Variants in WNT9B observed in about 807,000 individuals in gnomAD.
The protein encoded by WNT9B is Wnt family member 9B.
Under a neutral mutation model 30.2 loss-of-function variants are expected in WNT9B, and 12 were observed. The ratio of observed to expected loss-of-function variants is 0.40; its 90% CI spans 0.26 to 0.64. The LOEUF (loss-of-function observed/expected upper bound fraction) is 0.64, where lower values mean the gene tolerates loss of function less well. Ranked by LOEUF, WNT9B falls within the 30% of genes least tolerant of loss-of-function variation. The pLI is 0.42. For missense variants in WNT9B, 442 were observed against 485.2 expected (o/e 0.91, Z 0.84); for synonymous variants, 218 against 216.9 (o/e 1.01, Z -0.05).
chr17:46,873,398 G>A (rs769270484), intron 2 of WNT9B, among the ~76,000 whole-genome samples: 2 of 152,050 alleles, frequency 1.3e-5, no homozygotes, highest in Non-Finnish European at 2.9e-5. Flanking sequence ...AGCTACCCTC[G>A]GGAAGCATGC....
intron 1 of WNT9B, among the ~76,000 whole-genome samples, chr17:46,864,972 A>T (rs991377705): frequency 1.3e-4 from 20 of 152,288 alleles, no homozygotes; most frequent in African/African-American, 4.8e-4. Flanking sequence ...TGAATGGTGT[A>T]CATTTGGACT....
At chr17:46,844,303 A>AT (rs2084748329) in intron 1 of WNT9B, among the ~76,000 whole-genome samples, 1 of 102,276 alleles carries the variant, frequency 9.8e-6, no homozygotes, top group African/African-American at 4.3e-5. Flanking sequence ...GGAGTTAGCC[A>AT]CCTTTTTTTT....
intron 1 of WNT9B, among the ~76,000 whole-genome samples, chr17:46,867,778 G>T (rs576529700): frequency 1.3e-5 from 2 of 152,202 alleles, no homozygotes; most frequent in Non-Finnish European, 2.9e-5. Flanking sequence ...GTGAGAGTGT[G>T]TGAGATGAAG....
chr17:46,872,210 C>T (rs896098803), intron 1 of WNT9B, among the ~76,000 whole-genome samples: 1 of 152,182 alleles, frequency 6.6e-6, no homozygotes, highest in African/African-American at 2.4e-5. Flanking sequence ...AGCATGGATC[C>T]TGGGAAAGCG....
chr17:46,862,701 G>C lies in WNT9B; in HGVS notation c.78-9816G>C, dbSNP rs146374123. On this transcript the variant is annotated intron_variant, in intron 1 of 3. Coordinates refer to ENST00000290015, the MANE Select transcript of WNT9B (RefSeq NM_003396.3). ...AGGTTCAAGGGATTCTCCTGCCTCA[G>C]CCTCCCGAGTAGCTAGGACAACAGG... Among the ~76,000 whole-genome samples, 1,293 of 152,264 alleles carry C rather than the reference G, an allele frequency of 8.5e-3. 17 individuals are homozygous for C. Among genetic ancestry groups the C allele is most frequent in the African/African-American group, 0.029 (1,210 of 41,550 alleles).
chr17:46,868,593 T>TA (rs1407942530), intron 1 of WNT9B, among the ~76,000 whole-genome samples: 3 of 150,144 alleles, frequency 2.0e-5, no homozygotes, highest in Non-Finnish European at 2.9e-5. Flanking sequence ...GAGACTCGAT[T>TA]AAAAAACAAA....
chr17:46,862,163 C>CAAAA (rs111407961), intron 1 of WNT9B, among the ~76,000 whole-genome samples: 2 of 80,328 alleles, frequency 2.5e-5, no homozygotes, highest in African/African-American at 7.0e-5. Flanking sequence ...AACTCCGTCT[C>CAAAA]AAAAAAAAAA....
At chr17:46,855,755 A>G (rs2084927943) in intron 1 of WNT9B, among the ~76,000 whole-genome samples, 2 of 152,106 alleles carry the variant, frequency 1.3e-5, no homozygotes, top group Non-Finnish European at 2.9e-5. Context: ...CTAGAGTGCA[A>G]TGGTGTGATC....
intron 1 of WNT9B, among the ~76,000 whole-genome samples, chr17:46,854,443 C>T (rs565343322): frequency 1.3e-5 from 2 of 152,272 alleles, no homozygotes; most frequent in East Asian, 1.9e-4. Flanking sequence ...ATCATAGAAT[C>T]GTAGACTTCA....
At chr17:46,845,485 A>ATTTTT (rs34586359) in intron 1 of WNT9B, among the ~76,000 whole-genome samples, 4 of 121,378 alleles carry the variant, frequency 3.3e-5, no homozygotes, top group African/African-American at 6.3e-5. Flanking sequence ...AGTTATCTGA[A>ATTTTT]TTTTTTTTTT....
At position 46,833,446 on chromosome 17, in the gene WNT9B, TG is replaced by T. The variant is rs548261456; in HGVS notation, c.95+7del. Reference sequence around the variant, plus strand: ...CCTCTAAGAAGAATCAGAAGGTGAGTGTTAGGGAGGAAGGGACAGCCAACCC... The same window carrying T: ...CCTCTAAGAAGAATCAGAAGGTGAGTTTAGGGAGGAAGGGACAGCCAACCC... On this transcript the variant is annotated splice_region_variant and intron_variant, in intron 1 of 2. Transcript: ENST00000575372. The T allele has an allele frequency of 1.6e-4, 82 of 512,104 alleles. 1 individual carries two copies. The highest frequency in any genetic ancestry group is 1.3e-3 in the Middle Eastern group (4 of 3,010). The allele number at this position is 512,104 out of a possible 1,614,324, so 31.7% of individuals were successfully genotyped here. A position where few individuals can be genotyped will look rare whatever the true frequency, so the allele number is the denominator to read the frequency against.
intron 2 of WNT9B, 26 bp downstream of exon 2, chr17:46,872,799 GAGGGCT>G: frequency 7.6e-7 from 1 of 1,314,016 alleles, no homozygotes; most frequent in Non-Finnish European, 1.1e-6. Context: ...AGGGGACGGG[GAGGGCT>G]GGGGGAAGAA....
chr17:46,881,169 C>A (rs1422297732), downstream of WNT9B, among the ~76,000 whole-genome samples: 1 of 152,224 alleles, frequency 6.6e-6, no homozygotes, highest in African/African-American at 2.4e-5. Flanking sequence ...TGGCTCAGGC[C>A]TGCCCTGCCC....
upstream of WNT9B, chr17:46,851,516 C>T (rs2084844257): frequency 2.3e-6 from 1 of 432,954 alleles, no homozygotes; most frequent in Non-Finnish European, 3.7e-6. This position sits in a 1 kb window ranked among gnomAD's most constrained non-coding sequence, Gnocchi z 4.3. Context: ...CTCCCAATCT[C>T]CTCCTTTCCC....
chr17:46,848,570 T>C (rs1264457576), upstream of WNT9B, among the ~76,000 whole-genome samples: 1 of 152,218 alleles, frequency 6.6e-6, no homozygotes, highest in East Asian at 1.9e-4. Context: ...ATTGCAGGGA[T>C]GATCTGTTTT....
intron 1 of WNT9B, among the ~76,000 whole-genome samples, chr17:46,845,366 A>G (rs1004023311): frequency 2.0e-5 from 3 of 151,822 alleles, no homozygotes; most frequent in Non-Finnish European, 4.4e-5. Flanking sequence ...GGAAGTGGTA[A>G]CCAGGGCTGG....
intron 1 of WNT9B, among the ~76,000 whole-genome samples, chr17:46,857,921 T>TTGC (rs1271349121): frequency 1.8e-5 from 1 of 54,718 alleles, no homozygotes; most frequent in Non-Finnish European, 2.7e-5. Context: ...TTTATGTATT[T>TTGC]TGTTGTTGTT....
intron 1 of WNT9B, among the ~76,000 whole-genome samples, chr17:46,840,893 A>C (rs2084705357): frequency 6.6e-6 from 1 of 152,194 alleles, no homozygotes; most frequent in South Asian, 2.1e-4. Flanking sequence ...GATTCTGGAT[A>C]TTAGCCCTTT....
intron 1 of WNT9B, among the ~76,000 whole-genome samples, chr17:46,843,636 G>T (rs551812965): frequency 6.6e-6 from 1 of 152,176 alleles, no homozygotes; most frequent in Non-Finnish European, 1.5e-5. Context: ...TTCTAATCCC[G>T]GTTCTAAGCT....
Sources: gnomAD v4.1 joint callset for allele counts (sites outside exome capture counted in the v4.1 genomes callset) on GRCh38, gnomAD v4.1.1 for gene constraint, Gnocchi (gnomAD v3.1) non-coding constraint, MANE v1.5 for transcripts, NCBI Gene and HGNC (gene_info 2026-07-23, HGNC 2026-07-21) for gene names.